The following SCN2A variants were observed in gnomAD, a reference collection of about 807,000 sequenced individuals.
SCN2A encodes sodium voltage-gated channel alpha subunit 2.
SCN2A carries 20 observed loss-of-function variants against 188.7 expected under a neutral mutation model. The observed-to-expected ratio is 0.11, with a 90% confidence interval of 0.07 to 0.15. The LOEUF is 0.15. SCN2A is among the 10% of genes least tolerant of loss of function. The pLI, the probability that SCN2A is intolerant of heterozygous loss-of-function variation, is 1.00. For synonymous variants in SCN2A, 804 were observed against 833.1 expected (o/e 0.97, Z 0.60); for missense variants, 1,278 against 2,445.0 (o/e 0.52, Z 10.07).
intron 21 of SCN2A, among the ~76,000 whole-genome samples, chr2:165,373,791 A>G (rs1433099414): frequency 6.6e-6 from 1 of 152,068 alleles, no homozygotes; most frequent in East Asian, 1.9e-4. Context: ...GAAATGGCTA[A>G]AAAGTAGGTC....
intron 1 of SCN2A, among the ~76,000 whole-genome samples, chr2:165,260,439 C>G (rs1694536003): frequency 6.6e-6 from 1 of 152,122 alleles, no homozygotes; most frequent in Admixed American, 6.6e-5. Flanking sequence ...TTAAAATATT[C>G]AGTAAACCAT....
At chr2:165,321,564 A>T (rs529770363) in intron 11 of SCN2A, among the ~76,000 whole-genome samples, 1 of 152,340 alleles carries the variant, frequency 6.6e-6, no homozygotes, top group African/African-American at 2.4e-5. Context: ...TGGCTGGGGA[A>T]GCCTCACAAT....
chr2:165,265,320 T>C (rs990502040), intron 1 of SCN2A, among the ~76,000 whole-genome samples: 15 of 150,766 alleles, frequency 9.9e-5, no homozygotes, highest in African/African-American at 3.2e-4. Flanking sequence ...TTCATGTCCA[T>C]TGGCCACTTT....
rs1349886915 is a variant in SCN2A, at chr2:165,350,461, TTTC to T, written c.2920-3728_2920-3726del. 5.5e-4 allele frequency among the ~76,000 whole-genome samples: 52 copies of T among 95,240 alleles called. 9 individuals are homozygous for T. Among genetic ancestry groups the T allele is most frequent in the African/African-American group, 2.3e-3 (46 of 20,076 alleles). 62.5% of individuals were successfully genotyped at this position (95,240 alleles called of 152,430 possible). A position where few individuals can be genotyped will look rare whatever the true frequency, so the allele number is the denominator to read the frequency against. ...TGAGTGAGCTTGCTGAACTGTTTTC[TTTC>T]TTTTTTTTTTTTTTTTTTTTTTTTT... On this transcript the variant is annotated intron_variant, in intron 16 of 26. Transcript: ENST00000375437.
At chr2:165,278,152 C>A (rs1695424540) in intron 1 of SCN2A, among the ~76,000 whole-genome samples, 1 of 152,138 alleles carries the variant, frequency 6.6e-6, no homozygotes, top group South Asian at 2.1e-4. Context: ...TTAAACAATA[C>A]CCCTGAAGTG....
rs1177909493 is a variant in SCN2A at position 165,380,855 on chromosome 2, T to G, written c.4446+126T>G. On this transcript the variant is annotated intron_variant, in intron 24 of 26. Transcript: ENST00000375437. ...AAATTCAGAAATTATTTTGAGACAT[T>G]TGATAATCGATAAGCTTTTAAGCAA... The G allele has an allele frequency of 7.1e-6, 6 of 843,674 alleles. No individual in the cohort carries two copies. In the Admixed American group the frequency reaches 1.3e-4, roughly 19 times the overall value. 52.3% of individuals were successfully genotyped at this position (843,674 alleles called of 1,614,324 possible). A position where few individuals can be genotyped will look rare whatever the true frequency, so the allele number is the denominator to read the frequency against.
At chr2:165,291,571 TCCTTTCTCTC>T (rs1559340759) in intron 1 of SCN2A, among the ~76,000 whole-genome samples, 1 of 75,076 alleles carries the variant, frequency 1.3e-5, no homozygotes, top group Non-Finnish European at 3.0e-5. Context: ...CTTCCTTCCT[TCCTTTCTCTC>T]TCTCTCTCTC....
At chr2:165,359,094 A>G (rs751448869) in intron 17 of SCN2A, among the ~76,000 whole-genome samples, 1 of 152,118 alleles carries the variant, frequency 6.6e-6, no homozygotes, top group Non-Finnish European at 1.5e-5. Flanking sequence ...TAATCATGCC[A>G]TTCCTGGAGC....
intron 11 of SCN2A, among the ~76,000 whole-genome samples, chr2:165,321,879 G>T (rs1405224130): frequency 6.6e-6 from 1 of 152,096 alleles, no homozygotes; most frequent in Admixed American, 6.5e-5. Context: ...TAAAATAATG[G>T]TTTTAGTTAG....
intron 13 of SCN2A, among the ~76,000 whole-genome samples, chr2:165,328,986 C>CTTT (rs1269103949): frequency 6.7e-5 from 6 of 89,388 alleles, no homozygotes; most frequent in African/African-American, 2.2e-4. Context: ...TAAGATAGTC[C>CTTT]TTTTTTTTTT....
At chr2:165,364,285 G>A (rs1159701508) in intron 17 of SCN2A, among the ~76,000 whole-genome samples, 1 of 152,136 alleles carries the variant, frequency 6.6e-6, no homozygotes, top group Non-Finnish European at 1.5e-5. Flanking sequence ...CATTTCTAGA[G>A]CATTTTAAGA....
intron 1 of SCN2A, among the ~76,000 whole-genome samples, chr2:165,279,457 C>G (rs747527894): frequency 1.3e-5 from 2 of 152,064 alleles, no homozygotes; most frequent in Non-Finnish European, 2.9e-5. Context: ...AAGCTAAGAT[C>G]AGAGCACAAA....
chr2:165,271,849 C>T (rs1695119127), intron 1 of SCN2A: 1 of 151,648 alleles, frequency 6.6e-6, no homozygotes, highest in Non-Finnish European at 1.5e-5. Context: ...TGTCACTTAA[C>T]AGTTTTTTTT....
chr2:165,289,291 T>C (rs1451088295), intron 1 of SCN2A, among the ~76,000 whole-genome samples: 1 of 152,032 alleles, frequency 6.6e-6, no homozygotes, highest in African/African-American at 2.4e-5. Context: ...TGTAATAACA[T>C]GATTTTTTAA....
chr2:165,291,445 T>C (rs182478332), intron 1 of SCN2A, among the ~76,000 whole-genome samples: 65 of 22,608 alleles, frequency 2.9e-3, no homozygotes, highest in Non-Finnish European at 5.2e-3. Context: ...TCTCTTTCTT[T>C]CTTTCTTTCT....
chr2:165,309,344 T>C lies in SCN2A; in HGVS notation c.606-8T>C, dbSNP rs1697308753. Reference sequence around the variant, plus strand: ...TCATTGTGTTTGTGTGTGAACCCCCTATTACAGATATGTGACAGAGTTTGT... The same window carrying C: ...TCATTGTGTTTGTGTGTGAACCCCCCATTACAGATATGTGACAGAGTTTGT... On this transcript the variant is annotated splice_region_variant and splice_polypyrimidine_tract_variant and intron_variant, in intron 5 of 26. Coordinates refer to ENST00000375437, the MANE Select transcript of SCN2A (RefSeq NM_001040142.2). 2 of 1,613,570 alleles carry C rather than the reference T, an allele frequency of 1.2e-6. No homozygotes were observed. Among genetic ancestry groups the C allele is most frequent in the Admixed American group, 1.7e-5 (1 of 59,938 alleles).
chr2:165,369,588 A>G (rs2105364037), intron 19 of SCN2A, among the ~76,000 whole-genome samples: 1 of 152,260 alleles, frequency 6.6e-6, no homozygotes, highest in East Asian at 1.9e-4. Context: ...AGTTCCTGCA[A>G]ATGAGTTACC....
At chr2:165,334,302 G>A (rs1698858997) in intron 14 of SCN2A, among the ~76,000 whole-genome samples, 1 of 151,420 alleles carries the variant, frequency 6.6e-6, no homozygotes, top group Non-Finnish European at 1.5e-5. Flanking sequence ...ATTAATGCCA[G>A]ACAAAAATAA....
At chr2:165,241,348 T>A (rs1693614879) in intron 1 of SCN2A, among the ~76,000 whole-genome samples, 1 of 152,216 alleles carries the variant, frequency 6.6e-6, no homozygotes, top group African/African-American at 2.4e-5. Context: ...GTGTATACTC[T>A]TCTACCCTAT....
Sources: allele counts gnomAD v4.1 joint callset (sites outside exome capture counted in the v4.1 genomes callset), GRCh38; gene constraint gnomAD v4.1.1; transcripts MANE v1.5; gene names NCBI Gene and HGNC (gene_info 2026-07-23, HGNC 2026-07-21).